XKR6: variants seen among roughly 807,000 people sequenced by gnomAD.
XKR6 encodes XK-related protein 6.
A neutral mutation model predicts 56.7 loss-of-function variants in XKR6; 22 were observed. That is an observed-to-expected ratio of 0.39 (90% confidence interval 0.28 to 0.55). The LOEUF is 0.55. Among genes scored for constraint, XKR6 ranks in the 20% least tolerant of loss-of-function variants. The probability of loss-of-function intolerance (pLI) is 0.66; values close to 1 mark genes in which losing one functional copy is unlikely to be tolerated. For missense variants in XKR6, 852 were observed against 889.0 expected (o/e 0.96, Z 0.53); for synonymous variants, 524 against 387.8 (o/e 1.35, Z -4.13).
intron 1 of XKR6, among the ~76,000 whole-genome samples, chr8:11,139,917 C>T (rs1175867910): frequency 6.6e-6 from 1 of 152,152 alleles, no homozygotes; most frequent in Admixed American, 6.5e-5. Flanking sequence ...ACAATTCAAA[C>T]TGAGCTAAAG....
At chr8:11,197,016 A>C (rs2117156281) in intron 1 of XKR6, among the ~76,000 whole-genome samples, 1 of 152,356 alleles carries the variant, frequency 6.6e-6, no homozygotes, top group South Asian at 2.1e-4. Flanking sequence ...GTCTCAAATC[A>C]GAAAACAACG....
At chr8:11,132,917 A>G (rs2116902551) in intron 1 of XKR6, among the ~76,000 whole-genome samples, 1 of 152,208 alleles carries the variant, frequency 6.6e-6, no homozygotes, top group Non-Finnish European at 1.5e-5. Context: ...TAAAGACAAA[A>G]GTTGCTTTTC....
At chr8:10,935,527 G>T (rs1223960245) in intron 1 of XKR6, among the ~76,000 whole-genome samples, 8 of 138,818 alleles carry the variant, frequency 5.8e-5, no homozygotes, top group Admixed American at 5.7e-4. Context: ...GCTTTCTCTT[G>T]TGGGCATTTA....
intron 1 of XKR6, among the ~76,000 whole-genome samples, chr8:11,145,113 C>G (rs1346527560): frequency 1.3e-5 from 2 of 151,862 alleles, no homozygotes; most frequent in African/African-American, 2.4e-5. Flanking sequence ...CTAAAATGCT[C>G]CAAAATCCAA....
intron 1 of XKR6, among the ~76,000 whole-genome samples, chr8:11,072,026 A>G (rs902702713): frequency 2.0e-5 from 3 of 152,312 alleles, no homozygotes; most frequent in African/African-American, 7.2e-5. Flanking sequence ...TTTTAACACA[A>G]TGTGTCCAAA....
intron 1 of XKR6, among the ~76,000 whole-genome samples, chr8:11,030,591 A>G (rs1216783799): frequency 6.6e-6 from 1 of 152,178 alleles, no homozygotes; most frequent in African/African-American, 2.4e-5. Context: ...TGACCTCTGC[A>G]AGGGTCCCTT....
intron 2 of XKR6, among the ~76,000 whole-genome samples, chr8:10,906,695 G>T (rs77584013): frequency 4.6e-5 from 7 of 152,168 alleles, no homozygotes; most frequent in African/African-American, 1.2e-4. Context: ...TTTCCACAAG[G>T]AGTCACTTTA....
In XKR6 at chr8:10,898,203, A is replaced by C; in HGVS notation, c.1675T>G (p.Cys559Gly). ...GGTCTCACTTGGAAAACAGGCAAGC[A>C]AGTGTCAGCCGTGAGATCCTCCTGT... is the stretch of plus-strand genomic sequence containing the variant. ...EQQEDLTADTCLPVFQVRPMG... is the reference protein window; with the variant it reads ...EQQEDLTADTGLPVFQVRPMG... Residue 559 changes from cysteine to glycine, a missense_variant, in exon 3 of 3, where the codon TGC becomes GGC. Around this residue, in one of 4 missense-constraint regions of XKR6, gnomAD observed 197 missense variants for 190.9 expected, o/e 1.03. Transcript: ENST00000416569. The surrounding 1 kb of genome is among the most constrained non-coding windows in gnomAD (Gnocchi z 6.6). 1 of 1,614,098 alleles carries C rather than the reference A, an allele frequency of 6.2e-7. No individual in the cohort carries two copies.
intron 1 of XKR6, among the ~76,000 whole-genome samples, chr8:10,962,411 G>A (rs551664975): frequency 6.6e-6 from 1 of 152,294 alleles, no homozygotes; most frequent in South Asian, 2.1e-4. Flanking sequence ...GAGGTCCCCT[G>A]GTGCTCTGAG....
intron 2 of XKR6, among the ~76,000 whole-genome samples, chr8:10,906,919 G>A (rs1458214140): frequency 6.6e-6 from 1 of 152,166 alleles, no homozygotes; most frequent in Non-Finnish European, 1.5e-5. Flanking sequence ...GTGGTGGCAA[G>A]TGCCCATAGT....
intron 2 of XKR6, among the ~76,000 whole-genome samples, chr8:10,905,463 G>A (rs965258463): frequency 3.3e-5 from 5 of 152,174 alleles, no homozygotes; most frequent in African/African-American, 4.8e-5. Flanking sequence ...TATTGTAGAT[G>A]AGGAGACCGA....
intron 1 of XKR6, among the ~76,000 whole-genome samples, chr8:10,948,489 G>A (rs1473005077): frequency 6.6e-6 from 1 of 152,122 alleles, no homozygotes; most frequent in Non-Finnish European, 1.5e-5. Flanking sequence ...TGAGTGAGAT[G>A]AGCGGGGAAG....
chr8:11,022,101 C>T (rs4074356), intron 1 of XKR6, among the ~76,000 whole-genome samples: 25,227 of 148,862 alleles, frequency 0.17, 2,257 homozygotes, highest in Middle Eastern at 0.21. Flanking sequence ...AAAGAAGCCC[C>T]TGCCCTGGAG....
intron 1 of XKR6, among the ~76,000 whole-genome samples, chr8:10,956,617 G>A (rs190551500): frequency 6.6e-6 from 1 of 152,298 alleles, no homozygotes; most frequent in East Asian, 1.9e-4. Flanking sequence ...GGAGTCTACA[G>A]CCCTCATGGG....
At chr8:10,969,950 T>A (rs988420773) in intron 1 of XKR6, among the ~76,000 whole-genome samples, 5 of 152,256 alleles carry the variant, frequency 3.3e-5, no homozygotes, top group Non-Finnish European at 7.3e-5. Flanking sequence ...ATGTGGGGTC[T>A]CTACCGAAAC....
chr8:11,115,950 G>C (rs1277883998), intron 1 of XKR6, among the ~76,000 whole-genome samples: 1 of 152,136 alleles, frequency 6.6e-6, no homozygotes, highest in Non-Finnish European at 1.5e-5. Flanking sequence ...AAGTTCATAG[G>C]TCTCAGAAAA....
chr8:10,947,034 A>G (rs1801572686), intron 1 of XKR6, among the ~76,000 whole-genome samples: 1 of 152,146 alleles, frequency 6.6e-6, no homozygotes, highest in South Asian at 2.1e-4. Flanking sequence ...GCACAGATGC[A>G]TGCAGGAGGC....
intron 1 of XKR6, among the ~76,000 whole-genome samples, chr8:11,165,921 G>A (rs189672452): frequency 6.6e-6 from 1 of 150,714 alleles, no homozygotes; most frequent in African/African-American, 2.4e-5. Context: ...ACTGTTTGAT[G>A]GATACATTCA....
At chr8:10,999,199 G>A (rs1213016604) in intron 1 of XKR6, among the ~76,000 whole-genome samples, 1 of 152,206 alleles carries the variant, frequency 6.6e-6, no homozygotes, top group Admixed American at 6.5e-5. Context: ...GGGCTCAATC[G>A]TGGGATTATT....
Sources: gnomAD v4.1 joint callset for allele counts (sites outside exome capture counted in the v4.1 genomes callset) on GRCh38, gnomAD v4.1.1 for gene constraint, gnomAD v4.1.1 regional missense constraint, Gnocchi (gnomAD v3.1) non-coding constraint, MANE v1.5 for transcripts, NCBI Gene and HGNC (gene_info 2026-07-23, HGNC 2026-07-21) for gene names.